Variants in ETS1 observed in about 807,000 individuals in gnomAD.
ETS1 encodes the protein ETS proto-oncogene 1, transcription factor, also known as protein C-ets-1.
ETS1 carries 15 observed loss-of-function variants against 58.6 expected under a neutral mutation model. The observed-to-expected ratio is 0.26, with a 90% CI of 0.17 to 0.39. The LOEUF is 0.39. Among genes scored for constraint, ETS1 ranks in the 10% least tolerant of loss-of-function variants. The pLI, the probability that ETS1 is intolerant of heterozygous loss-of-function variation, is 1.00. For synonymous variants in ETS1, 214 were observed against 218.2 expected (o/e 0.98, Z 0.17); for missense variants, 417 against 610.5 (o/e 0.68, Z 3.34).
chr11:128,585,078 G>A lies in ETS1; in HGVS notation c.-15+2410C>T, dbSNP rs868651564. Among the ~76,000 whole-genome samples, 9 of 17,634 alleles carry A rather than the reference G, an allele frequency of 5.1e-4. 1 individual carries two copies. The highest frequency in any genetic ancestry group is 4.5e-3 in the South Asian group (4 of 880). The allele number at this position is 17,634 out of a possible 152,430, so 11.6% of individuals were successfully genotyped here. A position where few individuals can be genotyped will look rare whatever the true frequency, so the allele number is the denominator to read the frequency against. Reference sequence around the variant, plus strand: ...AAAGAAAGAAAGAAAGAAAGAAAGAGAAAGAAAGAAAGGAAAGAAAGAAAG... The same window carrying A: ...AAAGAAAGAAAGAAAGAAAGAAAGAAAAAGAAAGAAAGGAAAGAAAGAAAG... On this transcript the variant is annotated intron_variant, in intron 1 of 9. Transcript: ENST00000392668.
intron 1 of ETS1, among the ~76,000 whole-genome samples, chr11:128,583,760 T>C (rs1864921468): frequency 6.6e-6 from 1 of 152,216 alleles, no homozygotes. Context: ...AATATTTTCC[T>C]GACATTTGCA....
chr11:128,582,820 C>T (rs774411420), intron 1 of ETS1, among the ~76,000 whole-genome samples: 3 of 152,050 alleles, frequency 2.0e-5, no homozygotes, highest in Non-Finnish European at 2.9e-5. Flanking sequence ...AATATTGCAG[C>T]TTCCTGAGTT....
rs183311844 is a variant in ETS1 at position 128,558,460 on chromosome 11, C to A, written c.70-2025G>T. Among the ~76,000 whole-genome samples the A allele has an allele frequency of 1.8e-3, 273 of 152,244 alleles. 1 individual carries two copies. Among genetic ancestry groups the A allele is most frequent in the African/African-American group, 6.3e-3 (262 of 41,542 alleles). ...AGGAGTTCGAGACCAGCCTGGACAACATGGTGAAACCCTGTCTCTACTAAA... is the reference window on the plus strand; with the variant it reads ...AGGAGTTCGAGACCAGCCTGGACAAAATGGTGAAACCCTGTCTCTACTAAA... On this transcript the variant is annotated intron_variant, in intron 2 of 9. Coordinates refer to ENST00000392668, the MANE Select transcript of ETS1 (RefSeq NM_001143820.2).
chr11:128,552,426 A>G (rs960705995), intron 3 of ETS1, among the ~76,000 whole-genome samples: 3 of 152,170 alleles, frequency 2.0e-5, no homozygotes, highest in African/African-American at 7.2e-5. Flanking sequence ...TGGTAATAAG[A>G]CTATAGGTTC....
chr11:128,469,684 C>T (rs1862133242), intron 8 of ETS1, among the ~76,000 whole-genome samples: 1 of 152,170 alleles, frequency 6.6e-6, no homozygotes, highest in Admixed American at 6.5e-5. Flanking sequence ...GTCTTGTTGC[C>T]TGAGGATGAA....
At chr11:128,504,360 A>G (rs905782567) in intron 3 of ETS1, among the ~76,000 whole-genome samples, 11 of 152,218 alleles carry the variant, frequency 7.2e-5, no homozygotes, top group African/African-American at 2.2e-4. Flanking sequence ...CACTATAGCT[A>G]TAGGATGCAT....
At chr11:128,530,011 A>G (rs563924914) in intron 3 of ETS1, 1 of 152,348 alleles carries the variant, frequency 6.6e-6, no homozygotes, top group African/African-American at 2.4e-5. Flanking sequence ...TAAATTCATT[A>G]AAACAACTTT....
intron 3 of ETS1, among the ~76,000 whole-genome samples, chr11:128,510,363 C>G (rs750383328): frequency 6.6e-6 from 1 of 152,226 alleles, no homozygotes; most frequent in Non-Finnish European, 1.5e-5. Context: ...GTGTCCATAT[C>G]TGGTGGCTTA....
intron 3 of ETS1, among the ~76,000 whole-genome samples, chr11:128,545,647 A>C (rs1444279588): frequency 6.6e-6 from 1 of 152,214 alleles, no homozygotes; most frequent in African/African-American, 2.4e-5. Context: ...CTTCTTTTGG[A>C]CTTTCTGGAA....
At chr11:128,524,530 A>G (rs1863763243) in intron 3 of ETS1, among the ~76,000 whole-genome samples, 1 of 152,216 alleles carries the variant, frequency 6.6e-6, no homozygotes, top group South Asian at 2.1e-4. Flanking sequence ...TATTTTTTAC[A>G]TATTTAAGAT....
At chr11:128,462,631 C>T (rs959091286) in intron 9 of ETS1, 55 bp from the exon 10 acceptor site, 2 of 1,357,788 alleles carry the variant, frequency 1.5e-6, no homozygotes, top group African/African-American at 1.4e-5. Context: ...ACAAGACAGG[C>T]CAAATATATA....
In ETS1 at chr11:128,514,665, A is replaced by AT. The variant is rs200086393; in HGVS notation, c.215-24090dup. ...TAAATGTAAACACTGGTCCTCCTGC[A>AT]TTTTTTGCCATGGAAGCACCTGGAA... On this transcript the variant is annotated intron_variant, in intron 3 of 9. Coordinates refer to ENST00000392668, the MANE Select transcript of ETS1 (RefSeq NM_001143820.2). 6.9e-3 allele frequency among the ~76,000 whole-genome samples: 1,055 copies of AT among 152,234 alleles called. 12 individuals carry two copies. Among genetic ancestry groups the AT allele is most frequent in the African/African-American group, 0.024 (1,008 of 41,532 alleles).
At chr11:128,542,826 C>G (rs997311652) in intron 3 of ETS1, among the ~76,000 whole-genome samples, 1 of 152,112 alleles carries the variant, frequency 6.6e-6, no homozygotes, top group African/African-American at 2.4e-5. Flanking sequence ...CATGTATTAA[C>G]CCTTAAGTGA....
At chr11:128,494,571 G>A (rs1436478792) in intron 3 of ETS1, among the ~76,000 whole-genome samples, 1 of 152,150 alleles carries the variant, frequency 6.6e-6, no homozygotes, top group Non-Finnish European at 1.5e-5. Flanking sequence ...GTAAAACAAG[G>A]GTTTCCATTC....
At chr11:128,518,365 G>A (rs1285410935) in intron 3 of ETS1, among the ~76,000 whole-genome samples, 2 of 152,196 alleles carry the variant, frequency 1.3e-5, no homozygotes, top group Non-Finnish European at 2.9e-5. Context: ...ATTCTACACT[G>A]ATCAGGATCA....
chr11:128,472,617 C>T (rs992166775), intron 8 of ETS1, among the ~76,000 whole-genome samples: 1 of 152,318 alleles, frequency 6.6e-6, no homozygotes, highest in East Asian at 1.9e-4. Context: ...CACACCAGCA[C>T]CCCTCATCCT....
intron 1 of ETS1, among the ~76,000 whole-genome samples, chr11:128,575,244 A>G (rs765697712): frequency 2.0e-4 from 31 of 152,266 alleles, no homozygotes; most frequent in Non-Finnish European, 3.5e-4. Flanking sequence ...ATTAACAACA[A>G]TAACTAATAC....
intron 3 of ETS1, chr11:128,522,157 G>C (rs1013938587): frequency 2.3e-6 from 3 of 1,308,238 alleles, no homozygotes; most frequent in African/African-American, 1.5e-5. Flanking sequence ...GCGCCCGGAC[G>C]GTGCGCGCCC....
Position 128,489,465 on chromosome 11 carries a change from A to T in ETS1, c.360T>A (p.His120Gln), listed in dbSNP as rs533877788. The change falls in exon 5 of 10, where the codon CAT becomes CAA. Residue 120 changes from histidine to glutamine, a missense_variant. Physicochemically the swap from His to Gln is conservative, Grantham distance 24. Coordinates refer to ENST00000392668, the MANE Select transcript of ETS1 (RefSeq NM_001143820.2). The part of the protein sequence containing the change: ...PKDPRQWTET[H>Q]VRDWVMWAVN... ...CAGCCCACATCACCCAGTCCCGAAC[A>T]TGGGTTTCTGTCCACTGCCGGGGGT... 1 of 1,614,018 alleles carries T rather than the reference A, an allele frequency of 6.2e-7. No individual in the cohort carries two copies. The highest frequency in any genetic ancestry group is 8.5e-7 in the Non-Finnish European group (1 of 1,179,996).
Sources: gnomAD v4.1 joint callset for allele counts (sites outside exome capture counted in the v4.1 genomes callset) on GRCh38, gnomAD v4.1.1 for gene constraint, MANE v1.5 for transcripts, NCBI Gene and HGNC (gene_info 2026-07-23, HGNC 2026-07-21) for gene names.